Variants in GGT5 observed in about 807,000 individuals in gnomAD.
GGT5 encodes glutathione hydrolase 5 proenzyme.
A neutral mutation model predicts 58.1 loss-of-function variants in GGT5; 50 were observed. That is an observed-to-expected ratio of 0.86 (90% CI 0.69 to 1.09). The LOEUF is 1.09. Ranked by LOEUF, GGT5 falls within the 50% of genes least tolerant of loss-of-function variation. The probability of loss-of-function intolerance (pLI) is 0.00; values close to 1 mark genes in which losing one functional copy is unlikely to be tolerated. For synonymous variants in GGT5, 370 were observed against 346.1 expected, an observed-to-expected ratio of 1.07 and a Z score of -0.77; for missense variants, 800 against 789.4, an observed-to-expected ratio of 1.01 and a Z score of -0.16.
chr22:24,228,453 GTTT>G (rs61344424), intron 6 of GGT5, among the ~76,000 whole-genome samples: 3 of 137,024 alleles, frequency 2.2e-5, no homozygotes, highest in South Asian at 2.3e-4. Flanking sequence ...TTTCAAAACA[GTTT>G]TTTTTTTTTT....
Position 24,232,852 on chromosome 22 carries a change from C to G in GGT5, c.567G>C (p.Leu189=). Residue 189 remains leucine, a synonymous_variant, in exon 4 of 12, where the codon CTG becomes CTC. Transcript: ENST00000327365. ...GGGTTGACGCCTGCAAGGAAGGCCG[C>G]AGGATGCTGTTGTGCAGGAAACGGC... ...VLSRFLHNSI[L]RPSLQASTLR... is the part of the protein sequence containing the mutation. The G allele has an allele frequency of 1.9e-6, 3 of 1,560,482 alleles. No homozygotes were observed. Among genetic ancestry groups the G allele is most frequent in the South Asian group, 2.4e-5 (2 of 84,604 alleles).
chr22:24,239,125 G>A (rs1449805588), intron 1 of GGT5, among the ~76,000 whole-genome samples: 2 of 146,634 alleles, frequency 1.4e-5, no homozygotes, highest in East Asian at 4.1e-4. Context: ...GTATCATGAG[G>A]TTAGGAGATC....
At chr22:24,225,985 G>A (rs147456103) in intron 8 of GGT5, 91 bp downstream of exon 8, 91 of 908,502 alleles carry the variant, frequency 1.0e-4, no homozygotes, top group Middle Eastern at 7.5e-4. Context: ...GTGCTGCCCC[G>A]TGGGGACAAG....
intron 11 of GGT5, among the ~76,000 whole-genome samples, chr22:24,224,515 C>T (rs2047691618): frequency 7.3e-6 from 1 of 137,286 alleles, no homozygotes; most frequent in Admixed American, 7.6e-5. Context: ...GAGATGCTGT[C>T]TCAAAAAAAA....
rs760653657 is a variant in GGT5 at position 24,233,854 on chromosome 22, C to A, written c.304+20G>T. 2 of 1,607,750 alleles carry A rather than the reference C, an allele frequency of 1.2e-6. No individual in the cohort carries two copies. Among genetic ancestry groups the A allele is most frequent in the East Asian group, 4.5e-5 (2 of 44,858 alleles). On this transcript the variant is annotated intron_variant, in intron 2 of 11. Transcript: ENST00000327365. ...GTGGACAAGCCCATCTTCCCCATGG[C>A]AGTTCACATGTGGGCCCACCTGTTG...
chr22:24,240,679 CT>C (rs1410011640), intron 1 of GGT5, among the ~76,000 whole-genome samples: 1 of 152,004 alleles, frequency 6.6e-6, no homozygotes, highest in Non-Finnish European at 1.5e-5. Context: ...AATTTTTGTA[CT>C]TTTTGTCTCA....
At chr22:24,230,882 C>T (rs1333636796) in intron 6 of GGT5, among the ~76,000 whole-genome samples, 2 of 152,182 alleles carry the variant, frequency 1.3e-5, no homozygotes, top group Non-Finnish European at 2.9e-5. Flanking sequence ...CTTCTGGCTT[C>T]CAGAACTGTG....
At chr22:24,244,314 CA>C (rs1226341151) in intron 1 of GGT5, 61 of 401,484 alleles carry the variant, frequency 1.5e-4, no homozygotes, top group South Asian at 6.0e-4. Flanking sequence ...CACACACACA[CA>C]CCCACCCACA....
At position 24,225,055 on chromosome 22, in the gene GGT5, C is replaced by A. The variant is rs773450659; in HGVS notation, c.1555G>T (p.Ala519Ser). The change falls in exon 11 of 12, where the codon GCC becomes TCC. Residue 519 changes from alanine to serine, a missense_variant. Transcript: ENST00000327365. Reference protein sequence around the residue: ...LGFDLRAAIAAPILHVNSKGC... With the variant: ...LGFDLRAAIASPILHVNSKGC... ...TTGCTGTTGACATGCAGGATGGGGG[C>A]TGCAATGGCCGCTCTCAGGTCAAAG... 1.9e-6 allele frequency: 3 copies of A among 1,601,658 alleles called. No individual in the cohort carries two copies. Among genetic ancestry groups the A allele is most frequent in the East Asian group, 4.5e-5 (2 of 44,078 alleles).
intron 1 of GGT5, among the ~76,000 whole-genome samples, chr22:24,238,396 G>T (rs1332185822): frequency 2.0e-5 from 3 of 151,714 alleles, no homozygotes; most frequent in Admixed American, 6.6e-5. Context: ...GCAGGGCATG[G>T]TGTCATGCGC....
At chr22:24,232,775 G>T in intron 4 of GGT5, 48 bp downstream of exon 4, 1 of 1,331,504 alleles carries the variant, frequency 7.5e-7, no homozygotes, top group Non-Finnish European at 1.0e-6. Context: ...GGCCCAGACA[G>T]GATATGGCCT....
chr22:24,231,715 C>A (rs1379148676), intron 5 of GGT5, among the ~76,000 whole-genome samples, 185 bp from the exon 6 acceptor site: 1 of 152,072 alleles, frequency 6.6e-6, no homozygotes, highest in East Asian at 1.9e-4. Context: ...GAGGGGTGGA[C>A]AGAGACCAGA....
intron 11 of GGT5, among the ~76,000 whole-genome samples, chr22:24,222,918 A>C (rs867741199): frequency 6.6e-6 from 1 of 152,092 alleles, no homozygotes; most frequent in Non-Finnish European, 1.5e-5. Flanking sequence ...TCTACTAAAA[A>C]TACAAAAAAT....
chr22:24,236,516 C>T (rs1445467272), intron 1 of GGT5, among the ~76,000 whole-genome samples: 2 of 152,190 alleles, frequency 1.3e-5, no homozygotes, highest in Admixed American at 6.5e-5. Context: ...GTAATCCCAG[C>T]ACTTTGGGAG....
intron 1 of GGT5, 31 bp from the exon 2 acceptor site, chr22:24,234,035 GCTCCC>G (rs1569366567): frequency 6.3e-7 from 1 of 1,575,748 alleles, no homozygotes. Flanking sequence ...TCGCTGTGGG[GCTCCC>G]CTCCCCCTGC....
chr22:24,225,170 C>T, intron 10 of GGT5, 64 bp from the exon 11 acceptor site: 4 of 1,582,634 alleles, frequency 2.5e-6, no homozygotes, highest in Non-Finnish European at 3.5e-6. Flanking sequence ...TCAGCCCTCA[C>T]ATCCCCACTC....
chr22:24,234,466 G>A (rs1405442696), intron 1 of GGT5, among the ~76,000 whole-genome samples: 2 of 152,158 alleles, frequency 1.3e-5, no homozygotes, highest in Admixed American at 1.3e-4. Context: ...CTGCCAGCAG[G>A]GCATAGGGCT....
chr22:24,243,416 G>C (rs1382626578), intron 1 of GGT5: 1 of 151,934 alleles, frequency 6.6e-6, no homozygotes, highest in African/African-American at 2.4e-5. Context: ...CAGGAGGGGC[G>C]GGGGGTGGCA....
intron 1 of GGT5, among the ~76,000 whole-genome samples, chr22:24,236,723 A>T (rs1329925818): frequency 6.6e-6 from 1 of 150,386 alleles, no homozygotes; most frequent in Non-Finnish European, 1.5e-5. Context: ...AGGTTGTACC[A>T]CTGCACTCCA....
Sources: allele counts gnomAD v4.1 joint callset (sites outside exome capture counted in the v4.1 genomes callset), GRCh38; gene constraint gnomAD v4.1.1; transcripts MANE v1.5; gene names NCBI Gene and HGNC (gene_info 2026-07-23, HGNC 2026-07-21).